SPATA13: variants seen among roughly 807,000 people sequenced by gnomAD.
SPATA13 encodes the protein spermatogenesis-associated protein 13.
In SPATA13, 50 loss-of-function variants were observed where a neutral mutation model predicts 104.0. The ratio of observed to expected loss-of-function variants is 0.48; its 90% CI spans 0.38 to 0.61. The LOEUF (loss-of-function observed/expected upper bound fraction) is 0.61. Ranked by LOEUF, SPATA13 falls within the 20% of genes least tolerant of loss-of-function variation. The pLI is 0.00. For synonymous variants in SPATA13, 606 were observed against 667.5 expected, an observed-to-expected ratio of 0.91 and a Z score of 1.42; for missense variants, 1,524 against 1,690.6, an observed-to-expected ratio of 0.90 and a Z score of 1.73.
At chr13:24,291,523 G>T (rs1247469394) in intron 9 of SPATA13, among the ~76,000 whole-genome samples, 3 of 152,168 alleles carry the variant, frequency 2.0e-5, no homozygotes, top group African/African-American at 7.2e-5. Context: ...TGGGCCCTGA[G>T]CCGTTCCCTA....
chr13:24,099,726 A>G (rs990049435), intron 3 of SPATA13, among the ~76,000 whole-genome samples: 1 of 152,238 alleles, frequency 6.6e-6, no homozygotes, highest in East Asian at 1.9e-4. Context: ...TGTCATGAAT[A>G]TGCAGTTCAA....
At chr13:24,126,661 A>T (rs1464995978) in intron 3 of SPATA13, among the ~76,000 whole-genome samples, 1 of 152,080 alleles carries the variant, frequency 6.6e-6, no homozygotes, top group East Asian at 1.9e-4. Context: ...GGCTCAAGGG[A>T]TCATCCCACC....
At chr13:24,278,730 GAAA>G (rs752799421) in intron 4 of SPATA13, 18 of 1,583,818 alleles carry the variant, frequency 1.1e-5, no homozygotes, top group Middle Eastern at 1.7e-4. Flanking sequence ...TTCAACAGGT[GAAA>G]AAACAAAGAA....
chr13:24,074,406 A>G (rs978207788), intron 3 of SPATA13, among the ~76,000 whole-genome samples: 1 of 152,142 alleles, frequency 6.6e-6, no homozygotes, highest in East Asian at 1.9e-4. Flanking sequence ...CCATTCATCC[A>G]TTGATGGACA....
chr13:24,118,251 A>G (rs1042721057), intron 3 of SPATA13, among the ~76,000 whole-genome samples: 2 of 152,134 alleles, frequency 1.3e-5, no homozygotes, highest in African/African-American at 2.4e-5. Context: ...ACTCCCCATC[A>G]TGGTCTCTTT....
intron 3 of SPATA13, chr13:24,122,083 T>C: frequency 6.2e-7 from 1 of 1,602,350 alleles, no homozygotes; most frequent in Non-Finnish European, 8.6e-7. Context: ...TCCCTGGTGC[T>C]GGGCCTCCAA....
chr13:24,022,952 T>G (rs1877052877), intron 3 of SPATA13, among the ~76,000 whole-genome samples: 1 of 152,176 alleles, frequency 6.6e-6, no homozygotes, highest in South Asian at 2.1e-4. Flanking sequence ...TTTTTATTAT[T>G]ATTATACTTT....
At chr13:24,299,955 C>T (rs1275198252) in intron 11 of SPATA13, among the ~76,000 whole-genome samples, 7 of 152,196 alleles carry the variant, frequency 4.6e-5, no homozygotes, top group Non-Finnish European at 8.8e-5. Flanking sequence ...GAATCCGCTA[C>T]CTGCTACTCA....
chr13:24,302,626 G>T lies in SPATA13; in HGVS notation c.3687G>T (p.Pro1229=), dbSNP rs750379282. 2 of 1,611,674 alleles carry T rather than the reference G, an allele frequency of 1.2e-6. No homozygotes were observed. Among genetic ancestry groups the T allele is most frequent in the African/African-American group, 1.3e-5 (1 of 74,862 alleles). Residue 1229 remains proline, a synonymous_variant, in exon 13 of 13, where the codon CCG becomes CCT. Coordinates refer to ENST00000382108, the MANE Select transcript of SPATA13 (RefSeq NM_001166271.3). ...KGYNRCPVAP[P]HQGLHPIHQR... Reference sequence around the variant, plus strand: ...ACAACAGGTGCCCTGTGGCCCCACCGCACCAGGGCCTGCACCCCATCCACC... The same window carrying T: ...ACAACAGGTGCCCTGTGGCCCCACCTCACCAGGGCCTGCACCCCATCCACC...
intron 2 of SPATA13, among the ~76,000 whole-genome samples, chr13:23,996,186 G>A (rs574545197): frequency 1.3e-5 from 2 of 152,256 alleles, no homozygotes; most frequent in South Asian, 4.1e-4. Context: ...TCCAAAGTGG[G>A]CTTCACTGGG....
At chr13:24,147,296 C>T (rs924017905) in intron 3 of SPATA13, among the ~76,000 whole-genome samples, 1 of 152,112 alleles carries the variant, frequency 6.6e-6, no homozygotes, top group Non-Finnish European at 1.5e-5. Context: ...AGTAACTGGG[C>T]CATGACAGTG....
Position 24,302,730 on chromosome 13 carries a change from T to C in SPATA13, c.3791T>C (p.Leu1264Pro). Reference protein sequence around the residue: ...GLAEPKRKSSLFWHTFNRLTP... With the variant: ...GLAEPKRKSSPFWHTFNRLTP... ...GCGGAACCCAAGAGGAAGTCCTCGC[T>C]CTTCTGGCACACCTTCAACAGGCTC... The change falls in exon 13 of 13, where the codon CTC becomes CCC. Residue 1264 changes from leucine to proline, a missense_variant. Physicochemically the swap from Leu to Pro is moderately conservative, Grantham distance 98. Transcript: ENST00000382108. 6.2e-7 allele frequency: 1 copy of C among 1,614,074 alleles called. No homozygotes were observed. The highest frequency in any genetic ancestry group is 8.5e-7 in the Non-Finnish European group (1 of 1,180,026).
chr13:24,192,807 C>T (rs1287555726), intron 1 of SPATA13, among the ~76,000 whole-genome samples: 3 of 151,978 alleles, frequency 2.0e-5, no homozygotes, highest in Admixed American at 2.0e-4. Context: ...GAGAGGGTGA[C>T]ATGGGAAAAA....
At chr13:24,274,234 C>A (rs553692229) in intron 4 of SPATA13, among the ~76,000 whole-genome samples, 1 of 152,312 alleles carries the variant, frequency 6.6e-6, no homozygotes, top group South Asian at 2.1e-4. Flanking sequence ...CCTAGAACAA[C>A]CTGAGCATGT....
At chr13:24,085,998 A>G (rs1353530379) in intron 3 of SPATA13, among the ~76,000 whole-genome samples, 1 of 152,204 alleles carries the variant, frequency 6.6e-6, no homozygotes, top group Non-Finnish European at 1.5e-5. Context: ...AAGTGGAGAG[A>G]GGATGAAGGA....
chr13:24,061,638 T>C (rs540365244), intron 3 of SPATA13, among the ~76,000 whole-genome samples: 173 of 152,282 alleles, frequency 1.1e-3, no homozygotes, highest in Non-Finnish European at 2.0e-3. Flanking sequence ...AAATACTATA[T>C]GTTCTTACTT....
At chr13:24,009,144 A>T (rs1876359672) in intron 2 of SPATA13, among the ~76,000 whole-genome samples, 1 of 151,884 alleles carries the variant, frequency 6.6e-6, no homozygotes, top group African/African-American at 2.4e-5. Context: ...CCCCACCTAA[A>T]CTCTGCTCTG....
intron 3 of SPATA13, among the ~76,000 whole-genome samples, chr13:24,040,209 C>T (rs1416534806): frequency 1.3e-5 from 2 of 152,148 alleles, no homozygotes; most frequent in Non-Finnish European, 2.9e-5. Context: ...AGCGTTAAGT[C>T]AGGGTTCTGG....
intron 1 of SPATA13, among the ~76,000 whole-genome samples, chr13:24,185,804 C>T (rs1055524661): frequency 7.4e-6 from 1 of 135,854 alleles, no homozygotes; most frequent in Admixed American, 7.3e-5. Flanking sequence ...TGCGCACACA[C>T]ATACATCAAG....
Sources: allele counts gnomAD v4.1 joint callset (sites outside exome capture counted in the v4.1 genomes callset), GRCh38; gene constraint gnomAD v4.1.1; transcripts MANE v1.5; gene names NCBI Gene and HGNC (gene_info 2026-07-23, HGNC 2026-07-21).